The following DTD1 variants were observed in gnomAD, a reference collection of about 807,000 sequenced individuals.
DTD1 encodes the protein D-tyrosyl-tRNA deacylase 1 homolog.
DTD1 carries 13 observed loss-of-function variants against 25.6 expected under a neutral mutation model. That is an observed-to-expected ratio of 0.51 (90% CI 0.33 to 0.81). DTD1 has a LOEUF of 0.81. Ranked by LOEUF, DTD1 falls within the 30% of genes least tolerant of loss-of-function variation. The probability of loss-of-function intolerance (pLI) is 0.02; values close to 1 mark genes in which losing one functional copy is unlikely to be tolerated. For synonymous variants in DTD1, 110 were observed against 103.6 expected (o/e 1.06, Z -0.37); for missense variants, 193 against 266.4 (o/e 0.72, Z 1.92).
intron 3 of DTD1, among the ~76,000 whole-genome samples, chr20:18,623,926 T>C (rs1033533153): frequency 2.9e-5 from 3 of 103,138 alleles, no homozygotes; most frequent in Admixed American, 9.2e-5. Context: ...AAAAAGAGCA[T>C]GCACAATAGA....
At chr20:18,681,062 C>G (rs1900721715) in intron 4 of DTD1, among the ~76,000 whole-genome samples, 6 of 152,188 alleles carry the variant, frequency 3.9e-5, no homozygotes, top group Admixed American at 3.9e-4. Flanking sequence ...AATAAGTGTT[C>G]TCTGCTCTTT....
At chr20:18,660,144 T>G (rs2060904245) in intron 4 of DTD1, among the ~76,000 whole-genome samples, 1 of 152,052 alleles carries the variant, frequency 6.6e-6, no homozygotes, top group Non-Finnish European at 1.5e-5. Context: ...AGGGTGGAGG[T>G]TGCAGTGAGC....
At chr20:18,756,202 T>G (rs978596352) in intron 5 of DTD1, among the ~76,000 whole-genome samples, 1 of 152,250 alleles carries the variant, frequency 6.6e-6, no homozygotes, top group Admixed American at 6.5e-5. Flanking sequence ...TGCAAAAATT[T>G]TCTCCCACTT....
intron 4 of DTD1, among the ~76,000 whole-genome samples, chr20:18,646,426 G>A (rs1381407571): frequency 6.6e-6 from 1 of 152,148 alleles, no homozygotes; most frequent in Admixed American, 6.5e-5. Flanking sequence ...GTTAAAGGCT[G>A]GGGCAATACA....
At chr20:18,754,875 A>T (rs1477957632) in intron 5 of DTD1, among the ~76,000 whole-genome samples, 2 of 152,228 alleles carry the variant, frequency 1.3e-5, no homozygotes, top group Non-Finnish European at 2.9e-5. Context: ...GCTGGCCAAA[A>T]ATCTCTTGCA....
At chr20:18,690,199 T>C (rs2061040240) in intron 4 of DTD1, among the ~76,000 whole-genome samples, 1 of 151,294 alleles carries the variant, frequency 6.6e-6, no homozygotes, top group Non-Finnish European at 1.5e-5. Context: ...TTATTTGTTT[T>C]TGTCTTGTTG....
intron 4 of DTD1, among the ~76,000 whole-genome samples, chr20:18,697,539 A>G (rs1229934186): frequency 6.6e-6 from 1 of 152,212 alleles, no homozygotes; most frequent in Non-Finnish European, 1.5e-5. Context: ...GAGCATCCCT[A>G]ATAGAAACAT....
chr20:18,672,202 C>T (rs529734790), intron 4 of DTD1, among the ~76,000 whole-genome samples: 2 of 152,126 alleles, frequency 1.3e-5, no homozygotes, highest in South Asian at 4.1e-4. Context: ...CTACTGCACT[C>T]TAGCCCAAGT....
intron 4 of DTD1, among the ~76,000 whole-genome samples, chr20:18,637,410 C>T (rs959561846): frequency 8.5e-5 from 13 of 152,190 alleles, no homozygotes; most frequent in African/African-American, 1.2e-4. Context: ...GATGATCAGC[C>T]GCTCTACTGG....
At chr20:18,727,784 C>T (rs914320547) in intron 4 of DTD1, among the ~76,000 whole-genome samples, 6 of 152,256 alleles carry the variant, frequency 3.9e-5, no homozygotes, top group African/African-American at 1.4e-4. Flanking sequence ...TTTCACAGAG[C>T]AGAGCATCAT....
At chr20:18,615,174 C>G (rs6081246) in intron 3 of DTD1, among the ~76,000 whole-genome samples, 46,481 of 151,900 alleles carry the variant, frequency 0.31, 7,647 homozygotes, top group Non-Finnish European at 0.37. Context: ...CAGCCTACCC[C>G]GATTCAAGGG....
At chr20:18,735,733 G>A (rs1057302366) in intron 4 of DTD1, among the ~76,000 whole-genome samples, 2 of 152,120 alleles carry the variant, frequency 1.3e-5, no homozygotes, top group Non-Finnish European at 2.9e-5. Flanking sequence ...GAGTTGAGTT[G>A]AGTTTTGTGG....
intron 4 of DTD1, among the ~76,000 whole-genome samples, chr20:18,726,670 C>G (rs2061223482): frequency 1.3e-5 from 2 of 152,214 alleles, no homozygotes; most frequent in African/African-American, 4.8e-5. Flanking sequence ...CTTTGGCCAG[C>G]AAAGAAGATC....
chr20:18,694,991 T>C (rs932536999), intron 4 of DTD1, among the ~76,000 whole-genome samples: 1 of 152,100 alleles, frequency 6.6e-6, no homozygotes, highest in African/African-American at 2.4e-5. Context: ...GTATAGTATA[T>C]GTGCCAATAG....
intron 1 of DTD1, among the ~76,000 whole-genome samples, chr20:18,589,388 C>A (rs202144888): frequency 6.9e-4 from 18 of 26,234 alleles, no homozygotes; most frequent in African/African-American, 1.7e-3. Context: ...AAACAAAAAA[C>A]AAAACAAAAC....
chr20:18,746,637 G>T (rs952325143), intron 5 of DTD1, among the ~76,000 whole-genome samples: 15 of 152,210 alleles, frequency 9.9e-5, no homozygotes, highest in African/African-American at 3.6e-4. Context: ...GGAGGCTGCA[G>T]TGAGCCATGA....
chr20:18,664,411 G>A (rs571330035), intron 4 of DTD1, among the ~76,000 whole-genome samples: 5 of 152,290 alleles, frequency 3.3e-5, no homozygotes, highest in South Asian at 2.1e-4. Flanking sequence ...TGAGGGGACC[G>A]ACTGCCTTCA....
At chr20:18,629,057 C>T (rs531946263) in intron 4 of DTD1, among the ~76,000 whole-genome samples, 24 of 144,386 alleles carry the variant, frequency 1.7e-4, no homozygotes, top group African/African-American at 4.7e-4. Flanking sequence ...AGCACAATGG[C>T]GCCATCTTGG....
intron 3 of DTD1, among the ~76,000 whole-genome samples, chr20:18,611,886 G>GCTCT (rs1409846253): frequency 6.6e-6 from 1 of 152,074 alleles, no homozygotes; most frequent in Non-Finnish European, 1.5e-5. Flanking sequence ...ACGGAGTCTT[G>GCTCT]CTCTGTCACC....
Sources: allele counts gnomAD v4.1 joint callset (sites outside exome capture counted in the v4.1 genomes callset), GRCh38; gene constraint gnomAD v4.1.1; transcripts MANE v1.5; gene names NCBI Gene and HGNC (gene_info 2026-07-23, HGNC 2026-07-21).